The following PFKFB3 variants were observed in gnomAD, a reference collection of about 807,000 sequenced individuals.
The protein encoded by PFKFB3 is 6-phosphofructo-2-kinase/fructose-2,6-bisphosphatase 3.
Under a neutral mutation model 68.0 loss-of-function variants are expected in PFKFB3, and 33 were observed. The observed-to-expected ratio is 0.49, with a 90% CI of 0.37 to 0.65. The LOEUF (loss-of-function observed/expected upper bound fraction) is 0.65, where lower values mean the gene tolerates loss of function less well. Ranked by LOEUF, PFKFB3 falls within the 30% of genes least tolerant of loss-of-function variation. The probability of loss-of-function intolerance (pLI) is 0.00; values close to 1 mark genes in which losing one functional copy is unlikely to be tolerated. For missense variants in PFKFB3, 586 were observed against 712.2 expected, an observed-to-expected ratio of 0.82 and a Z score of 2.02; for synonymous variants, 315 against 288.2, an observed-to-expected ratio of 1.09 and a Z score of -0.94.
At chr10:6,253,691 G>A (rs7910480) in intron 14 of PFKFB3, among the ~76,000 whole-genome samples, 21,126 of 152,062 alleles carry the variant, frequency 0.14, 1,813 homozygotes, top group East Asian at 0.25. Context: ...TGGGGGATGA[G>A]GGATAGAGAG....
In PFKFB3 at chr10:6,228,008, C is replaced by G. The variant is rs961360509; in HGVS notation, c.1515+1643C>G. 2.6e-5 allele frequency among the ~76,000 whole-genome samples: 4 copies of G among 152,130 alleles called. No homozygotes were observed. Among genetic ancestry groups the G allele is most frequent in the Non-Finnish European group, 5.9e-5 (4 of 68,022 alleles). On this transcript the variant is annotated intron_variant, in intron 14 of 14. Transcript: ENST00000379775. The surrounding 1 kb of genome is among the most constrained non-coding windows in gnomAD (Gnocchi z 4.5). ...ACCTCCGTCGTGGAGGACGCAGTGG[C>G]AGGGGCTGCATCCTCCTGTCCGCTT...
chr10:6,283,318 G>A, the PFKFB3 span, among the ~76,000 whole-genome samples: 1 of 152,180 alleles, frequency 6.6e-6, no homozygotes, highest in Admixed American at 6.5e-5. Context: ...CTTGGGAGGT[G>A]TGCGTATGGG....
chr10:6,317,297 C>T, the PFKFB3 span, among the ~76,000 whole-genome samples: 5 of 152,186 alleles, frequency 3.3e-5, no homozygotes, highest in African/African-American at 1.2e-4. Flanking sequence ...CAGGCATTCT[C>T]TCTCAATTAT....
upstream of PFKFB3, among the ~76,000 whole-genome samples, chr10:6,201,599 G>C (rs1025793162): frequency 1.3e-5 from 2 of 151,342 alleles, no homozygotes; most frequent in Non-Finnish European, 3.0e-5. The surrounding 1 kb of genome is among the most constrained non-coding windows in gnomAD (Gnocchi z 4.1). Flanking sequence ...GAGCAGCCCC[G>C]GTCGCCGCCT....
At chr10:6,291,898 T>C in the PFKFB3 span, among the ~76,000 whole-genome samples, 1 of 150,848 alleles carries the variant, frequency 6.6e-6, no homozygotes, top group Non-Finnish European at 1.5e-5. Flanking sequence ...CACCATCTCT[T>C]ACAACCTACA....
Position 6,202,975 on chromosome 10 carries a change from A to G in PFKFB3, c.-286A>G, listed in dbSNP as rs1327058673. ...GCGAGCAGCAGGGCCTGGTGGCGAGAGCGCGGCTGTCACTGCGCCCGAGCA... is the reference window on the plus strand; with the variant it reads ...GCGAGCAGCAGGGCCTGGTGGCGAGGGCGCGGCTGTCACTGCGCCCGAGCA... On this transcript the variant is annotated 5_prime_UTR_variant, in exon 1 of 15. Transcript: ENST00000379775. 4.6e-6 allele frequency: 6 copies of G among 1,297,200 alleles called. No homozygotes were observed. The highest frequency in any genetic ancestry group is 5.9e-6 in the Non-Finnish European group (6 of 1,023,294). 80.4% of individuals were successfully genotyped at this position (1,297,200 alleles called of 1,614,324 possible).
chr10:6,290,887 G>C, the PFKFB3 span, among the ~76,000 whole-genome samples: 1 of 151,840 alleles, frequency 6.6e-6, no homozygotes, highest in Non-Finnish European at 1.5e-5. Flanking sequence ...CTGGTTTTGT[G>C]GTTTGGTATC....
chr10:6,293,625 C>T, the PFKFB3 span: 6 of 232,884 alleles, frequency 2.6e-5, no homozygotes, highest in East Asian at 2.5e-4. Context: ...GGATTACAGG[C>T]GTGAGCCACG....
the PFKFB3 span, among the ~76,000 whole-genome samples, chr10:6,305,213 GAC>G: frequency 1.0e-5 from 1 of 100,358 alleles, no homozygotes; most frequent in African/African-American, 4.0e-5. Context: ...AAGTAGAGAT[GAC>G]ATCTCACTAT....
At chr10:6,158,937 A>G (rs1841889709) in intron 1 of PFKFB3, among the ~76,000 whole-genome samples, 1 of 152,162 alleles carries the variant, frequency 6.6e-6, no homozygotes, top group East Asian at 1.9e-4. Flanking sequence ...TGATGTTCAC[A>G]CAATCATGTT....
At chr10:6,297,367 G>T in the PFKFB3 span, among the ~76,000 whole-genome samples, 1 of 152,202 alleles carries the variant, frequency 6.6e-6, no homozygotes, top group Non-Finnish European at 1.5e-5. Context: ...TTGAACCCTA[G>T]GGAGAGAGTA....
At chr10:6,158,444 G>A (rs1841872620) in intron 1 of PFKFB3, among the ~76,000 whole-genome samples, 1 of 152,216 alleles carries the variant, frequency 6.6e-6, no homozygotes, top group Non-Finnish European at 1.5e-5. Context: ...TAGAAATGAG[G>A]AAGCCTGATG....
At chr10:6,277,057 C>T in the PFKFB3 span, among the ~76,000 whole-genome samples, 2 of 152,048 alleles carry the variant, frequency 1.3e-5, no homozygotes, top group Non-Finnish European at 2.9e-5. Flanking sequence ...GTAATTTTGT[C>T]ATTTCAGAAT....
chr10:6,182,432 T>C (rs1445539767), intron 1 of PFKFB3, among the ~76,000 whole-genome samples: 1 of 152,066 alleles, frequency 6.6e-6, no homozygotes, highest in African/African-American at 2.4e-5. Flanking sequence ...AAGGAAGCGG[T>C]CCTGGTGCTG....
chr10:6,282,509 C>T, the PFKFB3 span, among the ~76,000 whole-genome samples: 3 of 152,110 alleles, frequency 2.0e-5, no homozygotes, highest in African/African-American at 4.8e-5. Flanking sequence ...CAGCTGTGAC[C>T]GTAGCAGCAG....
At chr10:6,322,133 G>C in the PFKFB3 span, among the ~76,000 whole-genome samples, 1 of 152,142 alleles carries the variant, frequency 6.6e-6, no homozygotes, top group Non-Finnish European at 1.5e-5. Flanking sequence ...TATCCCATGT[G>C]AATTTCAAAT....
chr10:6,153,642 TC>T (rs1841671169), intron 1 of PFKFB3, among the ~76,000 whole-genome samples: 1 of 151,952 alleles, frequency 6.6e-6, no homozygotes, highest in South Asian at 2.1e-4. Flanking sequence ...TCAGTTGGGG[TC>T]AGGAGTTCGA....
the PFKFB3 span, among the ~76,000 whole-genome samples, chr10:6,306,215 T>C: frequency 6.6e-6 from 1 of 152,158 alleles, no homozygotes; most frequent in Non-Finnish European, 1.5e-5. Context: ...TTCCTCTTAT[T>C]CTGAGGATTT....
At chr10:6,186,166 C>T (rs1340417948) in intron 1 of PFKFB3, among the ~76,000 whole-genome samples, 2 of 152,046 alleles carry the variant, frequency 1.3e-5, no homozygotes, top group Non-Finnish European at 2.9e-5. Context: ...TATTAATATT[C>T]TAATTAGAAA....
Sources: allele counts gnomAD v4.1 joint callset (sites outside exome capture counted in the v4.1 genomes callset), GRCh38; gene constraint gnomAD v4.1.1; non-coding constraint Gnocchi (gnomAD v3.1); transcripts MANE v1.5; gene names NCBI Gene and HGNC (gene_info 2026-07-23, HGNC 2026-07-21).